The following PTPN13 variants were observed in gnomAD, a reference collection of about 807,000 sequenced individuals.
PTPN13 encodes protein tyrosine phosphatase non-receptor type 13.
A neutral mutation model predicts 284.0 loss-of-function variants in PTPN13; 191 were observed. The observed-to-expected ratio is 0.67, with a 90% CI of 0.60 to 0.76. PTPN13 has a LOEUF of 0.76. Among genes scored for constraint, PTPN13 ranks in the 30% least tolerant of loss-of-function variants. The pLI is 0.00. For synonymous variants in PTPN13, 986 were observed against 1,022.3 expected (o/e 0.96, Z 0.68); for missense variants, 2,797 against 2,939.9 (o/e 0.95, Z 1.12).
intron 1 of PTPN13, among the ~76,000 whole-genome samples, chr4:86,598,498 C>T (rs920311239): frequency 2.0e-5 from 3 of 151,498 alleles, no homozygotes; most frequent in African/African-American, 7.3e-5. Context: ...GGTTTAAGTG[C>T]AAGCTGACAG....
intron 2 of PTPN13, among the ~76,000 whole-genome samples, chr4:86,655,610 A>G (rs964113169): frequency 3.3e-5 from 5 of 152,156 alleles, no homozygotes; most frequent in African/African-American, 1.2e-4. Context: ...CTGAGAGATC[A>G]GCTGTTAGTC....
At chr4:86,736,507 TCA>T (rs1735529031) in intron 15 of PTPN13, among the ~76,000 whole-genome samples, 1 of 152,218 alleles carries the variant, frequency 6.6e-6, no homozygotes, top group African/African-American at 2.4e-5. Context: ...GGGATTTTAT[TCA>T]CAGACTTACA....
intron 2 of PTPN13, among the ~76,000 whole-genome samples, chr4:86,660,013 T>C (rs1055762796): frequency 1.3e-5 from 2 of 152,140 alleles, no homozygotes; most frequent in Non-Finnish European, 2.9e-5. Context: ...GAAGGAAATA[T>C]AACCCAGAAG....
chr4:86,637,936 G>C (rs561615333), intron 2 of PTPN13, among the ~76,000 whole-genome samples: 7,038 of 151,614 alleles, frequency 0.046, 220 homozygotes, highest in African/African-American at 0.061. Context: ...AAACCCCATC[G>C]TCTCAGCCCA....
At chr4:86,641,206 T>G (rs891928417) in intron 2 of PTPN13, among the ~76,000 whole-genome samples, 3 of 152,186 alleles carry the variant, frequency 2.0e-5, no homozygotes, top group African/African-American at 7.2e-5. Context: ...GAATGGTGGT[T>G]GTCTTAGTTC....
At chr4:86,702,175 G>T (rs1464136708) in intron 7 of PTPN13, among the ~76,000 whole-genome samples, 1 of 152,142 alleles carries the variant, frequency 6.6e-6, no homozygotes, top group Non-Finnish European at 1.5e-5. Flanking sequence ...GTAAATAACT[G>T]GTTTGTGGAA....
At chr4:86,802,827 T>A (rs1354757015) in intron 42 of PTPN13, among the ~76,000 whole-genome samples, 1 of 152,170 alleles carries the variant, frequency 6.6e-6, no homozygotes, top group Non-Finnish European at 1.5e-5. Context: ...ATCCCAACAC[T>A]TTGGGAGGCC....
intron 31 of PTPN13, among the ~76,000 whole-genome samples, 190 bp downstream of exon 31, chr4:86,771,725 T>TAGTC (rs772301065): frequency 3.2e-4 from 49 of 152,352 alleles, no homozygotes; most frequent in Non-Finnish European, 3.7e-4. Flanking sequence ...ATAAGCTCTC[T>TAGTC]AGTCAGTCAG....
At chr4:86,694,374 A>G (rs1300970774) in intron 6 of PTPN13, among the ~76,000 whole-genome samples, 1 of 151,900 alleles carries the variant, frequency 6.6e-6, no homozygotes, top group Non-Finnish European at 1.5e-5. Flanking sequence ...TGAGGTCAGG[A>G]GTTCGAGACC....
intron 1 of PTPN13, among the ~76,000 whole-genome samples, chr4:86,606,609 C>T (rs114831722): frequency 1.3e-5 from 2 of 151,914 alleles, no homozygotes; most frequent in African/African-American, 2.4e-5. Context: ...AAATGAATCG[C>T]ATCTTTCCAT....
At chr4:86,733,382 T>G (rs1230292739) in intron 12 of PTPN13, among the ~76,000 whole-genome samples, 1 of 152,124 alleles carries the variant, frequency 6.6e-6, no homozygotes, top group Non-Finnish European at 1.5e-5. Context: ...ATTTATAAAT[T>G]ACTCTTTAAT....
At chr4:86,663,701 A>G (rs1726767573) in intron 2 of PTPN13, among the ~76,000 whole-genome samples, 3 of 152,208 alleles carry the variant, frequency 2.0e-5, no homozygotes, top group Non-Finnish European at 4.4e-5. Context: ...ATCAGCTTCC[A>G]TATTATAAAT....
intron 1 of PTPN13, among the ~76,000 whole-genome samples, chr4:86,632,131 A>T (rs962430805): frequency 6.6e-6 from 1 of 152,108 alleles, no homozygotes; most frequent in East Asian, 1.9e-4. Context: ...CCCTTTGGTA[A>T]TACTAATGAC....
chr4:86,753,592 T>C (rs1271660942), intron 20 of PTPN13, among the ~76,000 whole-genome samples: 1 of 152,070 alleles, frequency 6.6e-6, no homozygotes, highest in East Asian at 1.9e-4. Context: ...TGAGGATATT[T>C]TGAAGACTTT....
chr4:86,622,744 G>A (rs1565166431), intron 1 of PTPN13, among the ~76,000 whole-genome samples: 1 of 152,194 alleles, frequency 6.6e-6, no homozygotes, highest in South Asian at 2.1e-4. Context: ...TCTTCTATCT[G>A]TGTGTACTAC....
chr4:86,786,255 G>A (rs905483249), intron 40 of PTPN13, among the ~76,000 whole-genome samples: 5 of 152,150 alleles, frequency 3.3e-5, no homozygotes, highest in Non-Finnish European at 7.4e-5. Context: ...GGAAAAGCAT[G>A]AAATAGTAGA....
At chr4:86,596,006 A>G (rs948591769) in intron 1 of PTPN13, among the ~76,000 whole-genome samples, 5 of 152,278 alleles carry the variant, frequency 3.3e-5, no homozygotes, top group Non-Finnish European at 7.4e-5. Flanking sequence ...TAATATCACT[A>G]GGAGCATTTG....
At chr4:86,667,085 C>CA (rs1323719024) in intron 2 of PTPN13, among the ~76,000 whole-genome samples, 19 of 152,202 alleles carry the variant, frequency 1.2e-4, no homozygotes, top group African/African-American at 4.3e-4. Flanking sequence ...TCCTTACTCT[C>CA]ACTATCTGCC....
At chr4:86,808,556 T>C (rs1405298229) in intron 45 of PTPN13, among the ~76,000 whole-genome samples, 1 of 152,250 alleles carries the variant, frequency 6.6e-6, no homozygotes, top group Non-Finnish European at 1.5e-5. Flanking sequence ...TTTACTTTTA[T>C]AGAAACAAAG....
Sources: gnomAD v4.1 joint callset for allele counts (sites outside exome capture counted in the v4.1 genomes callset) on GRCh38, gnomAD v4.1.1 for gene constraint, MANE v1.5 for transcripts, NCBI Gene and HGNC (gene_info 2026-07-23, HGNC 2026-07-21) for gene names.